Variants in POMP observed in about 807,000 individuals in gnomAD.
POMP encodes the protein 2510048O06Rik.
POMP carries 12 observed loss-of-function variants against 20.6 expected under a neutral mutation model. The ratio of observed to expected loss-of-function variants is 0.58; its 90% CI spans 0.37 to 0.94. The LOEUF (loss-of-function observed/expected upper bound fraction) is 0.94, where lower values mean the gene tolerates loss of function less well. Among genes scored for constraint, POMP ranks in the 40% least tolerant of loss-of-function variants. The probability of loss-of-function intolerance (pLI) is 0.01; values close to 1 mark genes in which losing one functional copy is unlikely to be tolerated. For missense variants in POMP, 136 were observed against 161.1 expected (o/e 0.84, Z 0.84); for synonymous variants, 53 against 55.0 (o/e 0.96, Z 0.16).
At chr13:28,676,487 A>C (rs892422728) in intron 5 of POMP, among the ~76,000 whole-genome samples, 2 of 151,958 alleles carry the variant, frequency 1.3e-5, no homozygotes, top group African/African-American at 4.8e-5. Flanking sequence ...AGAGCTGGAG[A>C]TTTTTTTCTT....
chr13:28,676,690 G>T (rs1384293121), intron 5 of POMP, among the ~76,000 whole-genome samples: 1 of 152,178 alleles, frequency 6.6e-6, no homozygotes, highest in Non-Finnish European at 1.5e-5. Context: ...GCTTATCAGT[G>T]AAGTACTTAG....
At chr13:28,660,999 C>T (rs768365798) in intron 1 of POMP, among the ~76,000 whole-genome samples, 1 of 152,098 alleles carries the variant, frequency 6.6e-6, no homozygotes, top group Non-Finnish European at 1.5e-5. Context: ...GGATAAAATA[C>T]CTGACTAAAT....
At chr13:28,667,078 A>G (rs1048371471) in intron 3 of POMP, among the ~76,000 whole-genome samples, 89 of 152,320 alleles carry the variant, frequency 5.8e-4, no homozygotes, top group African/African-American at 2.0e-3. Flanking sequence ...TATAATCTCC[A>G]AGGTAGGCTG....
intron 4 of POMP, among the ~76,000 whole-genome samples, chr13:28,670,652 G>A (rs892149448): frequency 2.0e-5 from 3 of 152,200 alleles, no homozygotes; most frequent in African/African-American, 7.2e-5. Context: ...ACTACTTGCA[G>A]TTTCCTAATT....
intron 1 of POMP, among the ~76,000 whole-genome samples, chr13:28,659,472 C>T (rs1771209): frequency 0.044 from 6,761 of 152,282 alleles, 500 homozygotes; most frequent in African/African-American, 0.15. Flanking sequence ...CCCAGACCTC[C>T]TCCCCTTACT....
intron 2 of POMP, among the ~76,000 whole-genome samples, chr13:28,664,219 C>T (rs1291439057): frequency 6.6e-6 from 1 of 152,154 alleles, no homozygotes; most frequent in African/African-American, 2.4e-5. Context: ...AGATGTGGCA[C>T]CAGATTTTGG....
chr13:28,675,192 G>A (rs1295153754), intron 5 of POMP, among the ~76,000 whole-genome samples: 2 of 151,606 alleles, frequency 1.3e-5, no homozygotes, highest in Admixed American at 6.6e-5. Flanking sequence ...CCAGGCTGGA[G>A]TGCAGTGGCG....
At position 28,662,451 on chromosome 13, in the gene POMP, A is replaced by T. The variant is rs1367994095; in HGVS notation, c.45A>T (p.Pro15=). 1.2e-6 allele frequency: 2 copies of T among 1,614,024 alleles called. No homozygotes were observed. Among genetic ancestry groups the T allele is most frequent in the Non-Finnish European group, 8.5e-7 (1 of 1,179,904 alleles). The change falls in exon 2 of 6, where the codon CCA becomes CCT. Residue 15 remains proline (P), a synonymous_variant. Transcript: ENST00000380842. ...GATCTGAGCTAAAGGACAGTATTCC[A>T]GTTACTGAACTTTCAGCAAGTGGAC... ...GLGSELKDSI[P]VTELSASGPF...
chr13:28,677,139 T>C (rs1263029130), intron 5 of POMP, among the ~76,000 whole-genome samples: 2 of 152,188 alleles, frequency 1.3e-5, no homozygotes, highest in Non-Finnish European at 2.9e-5. Flanking sequence ...CTGTTTTAGT[T>C]TGGTTTAGTC....
chr13:28,667,198 A>G (rs1884463949), intron 3 of POMP, among the ~76,000 whole-genome samples: 1 of 152,212 alleles, frequency 6.6e-6, no homozygotes, highest in South Asian at 2.1e-4. Context: ...GGCTGTATTC[A>G]TCAAAATTTA....
chr13:28,672,212 A>C, intron 4 of POMP, 127 bp from the exon 5 acceptor site: 1 of 754,444 alleles, frequency 1.3e-6, no homozygotes, highest in Non-Finnish European at 2.4e-6. Context: ...TCCACTTGTT[A>C]AATTGATCTT....
At chr13:28,673,315 C>T (rs186066927) in intron 5 of POMP, among the ~76,000 whole-genome samples, 54 of 152,184 alleles carry the variant, frequency 3.5e-4, no homozygotes, top group South Asian at 8.3e-4. Flanking sequence ...GTGATCTGCC[C>T]GCCTCGGCCT....
chr13:28,660,722 C>A (rs76628609), intron 1 of POMP, among the ~76,000 whole-genome samples: 5 of 152,290 alleles, frequency 3.3e-5, no homozygotes, highest in African/African-American at 1.2e-4. Flanking sequence ...TCCACCATGA[C>A]TTCTTGTATG....
At chr13:28,676,907 G>A (rs1000043810) in intron 5 of POMP, among the ~76,000 whole-genome samples, 1 of 152,170 alleles carries the variant, frequency 6.6e-6, no homozygotes, top group African/African-American at 2.4e-5. Context: ...TGCAAAACCC[G>A]TCTCCACCAG....
In POMP at chr13:28,678,330, T is replaced by G; in HGVS notation, c.*228T>G. The stretch of plus-strand genomic sequence containing the variant: ...CTTAATTTATATTAAAACAGTAGCC[T>G]TTGTCTTTAAAAAAGTTGTTGCTCA... On this transcript the variant is annotated 3_prime_UTR_variant, in exon 6 of 6. Coordinates refer to ENST00000380842, the MANE Select transcript of POMP (RefSeq NM_015932.6). 2.0e-6 allele frequency: 1 copy of G among 496,462 alleles called. No individual in the cohort carries two copies. Among genetic ancestry groups the G allele is most frequent in the Non-Finnish European group, 3.6e-6 (1 of 276,940 alleles). The allele number at this position is 496,462 out of a possible 1,614,324, so 30.8% of individuals were successfully genotyped here. A position where few individuals can be genotyped will look rare whatever the true frequency, so the allele number is the denominator to read the frequency against.
chr13:28,671,668 T>A (rs1203327268), intron 4 of POMP, among the ~76,000 whole-genome samples: 1 of 151,948 alleles, frequency 6.6e-6, no homozygotes, highest in Non-Finnish European at 1.5e-5. Context: ...TCTAGAGAAA[T>A]TTTTCCACAC....
At chr13:28,659,557 G>C (rs887315083) in intron 1 of POMP, among the ~76,000 whole-genome samples, 1 of 152,098 alleles carries the variant, frequency 6.6e-6, no homozygotes, top group East Asian at 1.9e-4. Context: ...TTTCCTTGAC[G>C]GGTAACCTCT....
chr13:28,659,402 G>C (rs932260238), intron 1 of POMP, among the ~76,000 whole-genome samples: 4 of 152,190 alleles, frequency 2.6e-5, no homozygotes, highest in African/African-American at 9.6e-5. Context: ...GCAGTGCTTC[G>C]GCTTCATCCT....
rs370089881 is a variant in POMP at position 28,661,380 on chromosome 13, C to T, written c.4-1030C>T. On this transcript the variant is annotated intron_variant, in intron 1 of 5. Coordinates refer to ENST00000380842, the MANE Select transcript of POMP (RefSeq NM_015932.6). ...ACTTGAGAGGCTGAGGCAGGAGGATCGCTTGAACCTGGGAAGTCTAGGCTG... is the reference window on the plus strand; with the variant it reads ...ACTTGAGAGGCTGAGGCAGGAGGATTGCTTGAACCTGGGAAGTCTAGGCTG... 2.2e-4 allele frequency among the ~76,000 whole-genome samples: 33 copies of T among 152,254 alleles called. 1 individual carries two copies. The highest frequency in any genetic ancestry group is 7.7e-4 in the African/African-American group (32 of 41,552).
Sources: allele counts gnomAD v4.1 joint callset (sites outside exome capture counted in the v4.1 genomes callset), GRCh38; gene constraint gnomAD v4.1.1; transcripts MANE v1.5; gene names NCBI Gene and HGNC (gene_info 2026-07-23, HGNC 2026-07-21).